PRDM16: variants seen among roughly 807,000 people sequenced by gnomAD.
PRDM16 encodes the protein histone-lysine N-methyltransferase PRDM16.
A neutral mutation model predicts 110.6 loss-of-function variants in PRDM16; 23 were observed. The ratio of observed to expected loss-of-function variants is 0.21; its 90% CI spans 0.15 to 0.29. The LOEUF is 0.29. Ranked by LOEUF, PRDM16 falls within the 10% of genes least tolerant of loss-of-function variation. The pLI is 1.00. For synonymous variants in PRDM16, 799 were observed against 781.8 expected (o/e 1.02, Z -0.37); for missense variants, 1,615 against 1,794.3 (o/e 0.90, Z 1.81).
intron 1 of PRDM16, among the ~76,000 whole-genome samples, chr1:3,090,422 G>A (rs1243746310): frequency 1.3e-5 from 2 of 152,248 alleles, no homozygotes; most frequent in African/African-American, 4.8e-5. Context: ...CGGCAGGCCT[G>A]GTGGAACTCC....
chr1:3,371,256 T>C (rs1279946185), intron 3 of PRDM16, among the ~76,000 whole-genome samples: 2 of 133,476 alleles, frequency 1.5e-5, no homozygotes, highest in Non-Finnish European at 3.1e-5. Context: ...TATTCATCCA[T>C]CCACCATCCA....
intron 15 of PRDM16, 133 bp downstream of exon 15, chr1:3,431,241 G>C (rs1361786546): frequency 7.1e-7 from 1 of 1,398,898 alleles, no homozygotes; most frequent in African/African-American, 1.4e-5. Flanking sequence ...CCACCTCAGG[G>C]CCTCCACACA....
chr1:3,205,470 T>C (rs973518563), intron 2 of PRDM16, among the ~76,000 whole-genome samples: 1 of 151,686 alleles, frequency 6.6e-6, no homozygotes, highest in African/African-American at 2.4e-5. Context: ...GAGAAACCCA[T>C]GAAATACAGA....
chr1:3,211,246 G>A (rs906568102), intron 2 of PRDM16, among the ~76,000 whole-genome samples: 1 of 152,198 alleles, frequency 6.6e-6, no homozygotes, highest in South Asian at 2.1e-4. Flanking sequence ...CAGCCACCCT[G>A]CCCTTCTTCC....
chr1:3,364,589 C>A (rs1031549460), intron 3 of PRDM16, among the ~76,000 whole-genome samples: 2 of 152,204 alleles, frequency 1.3e-5, no homozygotes, highest in Non-Finnish European at 2.9e-5. Context: ...TAGTAATGAC[C>A]CTGGGCTCCT....
In PRDM16 at chr1:3,081,608, A is replaced by C. The variant is rs1642030135; in HGVS notation, c.37+12312A>C. Among the ~76,000 whole-genome samples, 1 of 152,270 alleles carries C rather than the reference A, an allele frequency of 6.6e-6. No homozygotes were observed. Among genetic ancestry groups the C allele is most frequent in the South Asian group, 2.1e-4 (1 of 4,826 alleles). On this transcript the variant is annotated intron_variant, in intron 1 of 16. Transcript: ENST00000270722. The surrounding 1 kb of genome is among the most constrained non-coding windows in gnomAD (Gnocchi z 4.6). ...GGCCAGGGTTGGTCTTCCTTCTGTG[A>C]GCACGGGGGGTGAGCAGTGGGCAGC...
rs998384760 is a variant in PRDM16, at chr1:3,080,649, C to T, written c.37+11353C>T. 1.3e-5 allele frequency among the ~76,000 whole-genome samples: 2 copies of T among 152,136 alleles called. No individual in the cohort carries two copies. On this transcript the variant is annotated intron_variant, in intron 1 of 16. Coordinates refer to ENST00000270722, the MANE Select transcript of PRDM16 (RefSeq NM_022114.4). This position sits in a 1 kb window ranked among gnomAD's most constrained non-coding sequence, Gnocchi z 5.2. Reference sequence around the variant, plus strand: ...ATTTTGCAAAAACGGGAGGCCCGGGCCCCTAAGCTTGCAGCCTGAGAAAAA... The same window carrying T: ...ATTTTGCAAAAACGGGAGGCCCGGGTCCCTAAGCTTGCAGCCTGAGAAAAA...
rs1638339237 is a variant in PRDM16 at position 3,418,596 on chromosome 1, C to T, written c.2862-71C>T. 4.7e-6 allele frequency: 5 copies of T among 1,062,358 alleles called. No individual in the cohort carries two copies. The African/African-American group carries it at 6.2e-5, about 13-fold the overall frequency. 65.8% of individuals were successfully genotyped at this position (1,062,358 alleles called of 1,614,324 possible). A position where few individuals can be genotyped will look rare whatever the true frequency, so the allele number is the denominator to read the frequency against. ...TGAGACCCCGAGCATTAGCTTGAAA[C>T]CATTTCTGGGAAATGGCCATGTAAG... On this transcript the variant is annotated intron_variant, in intron 11 of 16. Coordinates refer to ENST00000270722, the MANE Select transcript of PRDM16 (RefSeq NM_022114.4).
intron 3 of PRDM16, among the ~76,000 whole-genome samples, chr1:3,368,903 C>T (rs1487718947): frequency 1.3e-5 from 2 of 152,254 alleles, no homozygotes; most frequent in African/African-American, 4.8e-5. Context: ...TATACACCCC[C>T]ATTCAAATTC....
At position 3,404,940 on chromosome 1, in the gene PRDM16, G is replaced by A. The variant is rs61708696; in HGVS notation, c.1032+54G>A. On this transcript the variant is annotated intron_variant, in intron 7 of 16. Coordinates refer to ENST00000270722, the MANE Select transcript of PRDM16 (RefSeq NM_022114.4). ...CCCGGGGCAGCAGGAGGCTGCAGACGGGCGCCCGCCCCCGTGCTCCCTACA... is the reference window on the plus strand; with the variant it reads ...CCCGGGGCAGCAGGAGGCTGCAGACAGGCGCCCGCCCCCGTGCTCCCTACA... 1,599 of 1,578,462 alleles carry A rather than the reference G, an allele frequency of 1.0e-3. 14 individuals are homozygous for A. In the African/African-American group the frequency reaches 0.02, roughly 20 times the overall value.
At chr1:3,218,342 G>A (rs917199689) in intron 2 of PRDM16, among the ~76,000 whole-genome samples, 6 of 152,216 alleles carry the variant, frequency 3.9e-5, no homozygotes, top group Non-Finnish European at 5.9e-5. Context: ...ATGCTTTATC[G>A]GAGAAGGGGG....
At chr1:3,257,322 G>A (rs1181669825) in intron 3 of PRDM16, among the ~76,000 whole-genome samples, 2 of 152,156 alleles carry the variant, frequency 1.3e-5, no homozygotes, top group Non-Finnish European at 2.9e-5. Flanking sequence ...CTGGGGTTGG[G>A]TGGAGCATCA....
chr1:3,161,989 G>A (rs930140247), intron 1 of PRDM16, among the ~76,000 whole-genome samples: 2 of 152,210 alleles, frequency 1.3e-5, no homozygotes. Flanking sequence ...GACGTCGCCA[G>A]GGTGGCTCGG....
chr1:3,077,594 G>A (rs1570206372), intron 1 of PRDM16, among the ~76,000 whole-genome samples: 1 of 152,200 alleles, frequency 6.6e-6, no homozygotes, highest in African/African-American at 2.4e-5. Context: ...CTGGAGCCAG[G>A]CTGGGGTGCT....
intron 3 of PRDM16, among the ~76,000 whole-genome samples, chr1:3,305,849 G>C (rs571536688): frequency 6.6e-6 from 1 of 152,234 alleles, no homozygotes; most frequent in Admixed American, 6.5e-5. Context: ...GGTGATGCCC[G>C]TGCTGCTTTT....
At chr1:3,274,801 C>T (rs998825924) in intron 3 of PRDM16, among the ~76,000 whole-genome samples, 2 of 152,168 alleles carry the variant, frequency 1.3e-5, no homozygotes, top group African/African-American at 2.4e-5. Context: ...ACCTTCTTCT[C>T]CTTTGTATGT....
intron 1 of PRDM16, among the ~76,000 whole-genome samples, chr1:3,132,317 G>A (rs982568807): frequency 1.3e-5 from 2 of 152,196 alleles, no homozygotes; most frequent in Admixed American, 6.5e-5. Context: ...TTCTGTGTCC[G>A]GTGAGCAGAG....
intron 1 of PRDM16, among the ~76,000 whole-genome samples, chr1:3,128,354 C>T (rs1643255021): frequency 6.6e-6 from 1 of 152,214 alleles, no homozygotes; most frequent in Admixed American, 6.5e-5. Flanking sequence ...TATTTTATCC[C>T]AGTTAAAGTG....
At chr1:3,156,390 T>C (rs1643859288) in intron 1 of PRDM16, among the ~76,000 whole-genome samples, 1 of 152,208 alleles carries the variant, frequency 6.6e-6, no homozygotes, top group Non-Finnish European at 1.5e-5. Flanking sequence ...TCTCTCTGCC[T>C]GCGGAGGTAA....
Sources: allele counts gnomAD v4.1 joint callset (sites outside exome capture counted in the v4.1 genomes callset), GRCh38; gene constraint gnomAD v4.1.1; non-coding constraint Gnocchi (gnomAD v3.1); transcripts MANE v1.5; gene names NCBI Gene and HGNC (gene_info 2026-07-23, HGNC 2026-07-21).